The following MMS22L variants were observed in gnomAD, a reference collection of about 807,000 sequenced individuals.
MMS22L encodes the protein MMS22 like, DNA repair protein, also known as protein MMS22-like.
MMS22L carries 74 observed loss-of-function variants against 159.1 expected under a neutral mutation model. That is an observed-to-expected ratio of 0.47 (90% CI 0.39 to 0.56). The LOEUF (loss-of-function observed/expected upper bound fraction) is 0.56, where lower values mean the gene tolerates loss of function less well. Ranked by LOEUF, MMS22L falls within the 20% of genes least tolerant of loss-of-function variation. The pLI is 0.00. For missense variants in MMS22L, 1,351 were observed against 1,422.1 expected, an observed-to-expected ratio of 0.95 and a Z score of 0.80; for synonymous variants, 517 against 506.9, an observed-to-expected ratio of 1.02 and a Z score of -0.27.
chr6:97,268,665 T>C (rs1815410289), intron 7 of MMS22L, among the ~76,000 whole-genome samples: 1 of 152,076 alleles, frequency 6.6e-6, no homozygotes, highest in Non-Finnish European at 1.5e-5. Flanking sequence ...TAACAAATAC[T>C]GATAAACTGA....
intron 23 of MMS22L, 59 bp from the exon 24 acceptor site, chr6:97,150,079 C>G: frequency 7.1e-7 from 1 of 1,413,378 alleles, no homozygotes; most frequent in Non-Finnish European, 9.8e-7. Context: ...GTGTTGGTAT[C>G]TACGTGGCAA....
At chr6:97,227,699 G>A (rs927328484) in intron 14 of MMS22L, among the ~76,000 whole-genome samples, 1 of 152,152 alleles carries the variant, frequency 6.6e-6, no homozygotes, top group Non-Finnish European at 1.5e-5. Context: ...TGCAACATTT[G>A]TAATATGATA....
chr6:97,173,825 G>C (rs1229599314), intron 18 of MMS22L, among the ~76,000 whole-genome samples: 2 of 152,128 alleles, frequency 1.3e-5, no homozygotes, highest in Non-Finnish European at 2.9e-5. Context: ...GAATCAGTAA[G>C]AGAAGAACAG....
intron 12 of MMS22L, 110 bp downstream of exon 12, chr6:97,233,751 A>G: frequency 8.2e-7 from 1 of 1,219,478 alleles, no homozygotes; most frequent in Non-Finnish European, 1.1e-6. Flanking sequence ...GAAAAAAATT[A>G]ACTTTTTAAG....
chr6:97,278,327 CG>C (rs1163881131), intron 4 of MMS22L, among the ~76,000 whole-genome samples: 2 of 150,030 alleles, frequency 1.3e-5, no homozygotes, highest in African/African-American at 4.9e-5. Flanking sequence ...CACTTGAACC[CG>C]GGGGGCAGAG....
intron 9 of MMS22L, chr6:97,261,558 T>C (rs751771029): frequency 1.3e-5 from 2 of 152,204 alleles, no homozygotes; most frequent in African/African-American, 2.4e-5. Context: ...GTTAATTGTT[T>C]CTTTATGTTA....
chr6:97,202,369 T>C (rs975456068), intron 14 of MMS22L, among the ~76,000 whole-genome samples: 9 of 152,306 alleles, frequency 5.9e-5, no homozygotes, highest in South Asian at 2.1e-4. Context: ...CCTTTAAATA[T>C]GGCAATGGAT....
At position 97,145,096 on chromosome 6, in the gene MMS22L, T is replaced by C. The variant is rs1800874933; in HGVS notation, c.*1710A>G. 6.7e-6 allele frequency: 1 copy of C among 149,216 alleles called. No homozygotes were observed. The highest frequency in any genetic ancestry group is 2.5e-5 in the African/African-American group (1 of 39,802). The allele number at this position is 149,216 out of a possible 1,614,324, so 9.2% of individuals were successfully genotyped here. On this transcript the variant is annotated 3_prime_UTR_variant, in exon 25 of 25. Coordinates refer to ENST00000683635, the MANE Select transcript of MMS22L (RefSeq NM_001350599.2). The stretch of plus-strand genomic sequence containing the variant: ...CACATATACACATAAATAACCTCTT[T>C]AAAGGCATCACCTTAAATAGATAAA...
rs113543119 is a variant in MMS22L, at chr6:97,146,781, TAGAC to T, written c.*21_*24del. The T allele has an allele frequency of 1.5e-3, 2,162 of 1,451,076 alleles. 22 individuals are homozygous for T. The African/African-American group carries it at 0.024, about 16-fold the overall frequency. 89.9% of individuals were successfully genotyped at this position (1,451,076 alleles called of 1,614,324 possible). On this transcript the variant is annotated 3_prime_UTR_variant, in exon 25 of 25. Coordinates refer to ENST00000683635, the MANE Select transcript of MMS22L (RefSeq NM_001350599.2). ...TGTGGCTTTAGATACTGATAATTAA[TAGAC>T]AGGATGAATCACAAAATATATTAAG...
At chr6:97,185,663 A>T (rs1424786146) in intron 15 of MMS22L, among the ~76,000 whole-genome samples, 1 of 152,136 alleles carries the variant, frequency 6.6e-6, no homozygotes, top group Non-Finnish European at 1.5e-5. Context: ...CAGAATTCAA[A>T]ATCTTTTCAA....
Position 97,218,515 on chromosome 6 carries a change from A to G in MMS22L, c.2039+10379T>C, listed in dbSNP as rs1809271876. On this transcript the variant is annotated intron_variant, in intron 14 of 24. Transcript: ENST00000683635. ...GTGCATACTACATATGCTTCATGTG[A>G]CTGGTTCACTGATATATCCTAAGTG... 3.3e-5 allele frequency among the ~76,000 whole-genome samples: 5 copies of G among 152,194 alleles called. No homozygotes were observed. In the South Asian group the frequency reaches 1.0e-3, roughly 31 times the overall value.
intron 14 of MMS22L, among the ~76,000 whole-genome samples, chr6:97,209,161 C>T (rs1287869585): frequency 6.6e-6 from 1 of 151,978 alleles, no homozygotes; most frequent in Admixed American, 6.6e-5. Context: ...GATGAATCCC[C>T]CAAATATCTT....
chr6:97,216,661 G>A (rs921244275), intron 14 of MMS22L, among the ~76,000 whole-genome samples: 13 of 152,144 alleles, frequency 8.5e-5, no homozygotes, highest in African/African-American at 2.9e-4. Flanking sequence ...AAACAGCACC[G>A]TGTGGTGCCA....
chr6:97,230,345 T>TA (rs1298226730), intron 13 of MMS22L: 2 of 150,728 alleles, frequency 1.3e-5, no homozygotes, highest in East Asian at 2.0e-4. Flanking sequence ...TCTCAAGTGA[T>TA]ACGCCCACCT....
rs1800812925 is a variant in MMS22L at position 97,144,670 on chromosome 6, G to A, written c.*2136C>T. 6.6e-6 allele frequency: 1 copy of A among 151,942 alleles called. No individual in the cohort carries two copies. The highest frequency in any genetic ancestry group is 2.4e-5 in the African/African-American group (1 of 41,368). The allele number at this position is 151,942 out of a possible 1,614,324, so 9.4% of individuals were successfully genotyped here. A position where few individuals can be genotyped will look rare whatever the true frequency, so the allele number is the denominator to read the frequency against. On this transcript the variant is annotated 3_prime_UTR_variant, in exon 25 of 25. Transcript: ENST00000683635. The stretch of plus-strand genomic sequence containing the variant: ...GTGGCTATTAAAGAAGCAGGTATAA[G>A]GGACTCCAAGTCTGGGAATGAAAGA...
In MMS22L at chr6:97,258,220, T is replaced by TA. The variant is rs1205568818; in HGVS notation, c.943-3488dup. Among the ~76,000 whole-genome samples the TA allele has an allele frequency of 2.0e-5, 3 of 152,338 alleles. No homozygotes were observed. The East Asian group carries it at 5.8e-4, about 29-fold the overall frequency. On this transcript the variant is annotated intron_variant, in intron 9 of 24. Coordinates refer to ENST00000683635, the MANE Select transcript of MMS22L (RefSeq NM_001350599.2). ...CTATTAATATCTTTAAAAAGTGAGG[T>TA]AAAATAAAGCTATTTTAGCCTATAG...
At chr6:97,230,037 G>T (rs999118208) in intron 13 of MMS22L, among the ~76,000 whole-genome samples, 2 of 152,062 alleles carry the variant, frequency 1.3e-5, no homozygotes, top group African/African-American at 4.8e-5. Context: ...TCAATTAAGG[G>T]GTTAGAATTG....
intron 6 of MMS22L, chr6:97,270,286 G>A (rs1254474551): frequency 3.8e-6 from 2 of 532,286 alleles, no homozygotes; most frequent in East Asian, 4.8e-5. Flanking sequence ...TACTACAGCT[G>A]CAAGGCAGTA....
At chr6:97,269,623 A>C (rs1562525913) in intron 7 of MMS22L, among the ~76,000 whole-genome samples, 1 of 152,130 alleles carries the variant, frequency 6.6e-6, no homozygotes, top group Non-Finnish European at 1.5e-5. Flanking sequence ...ATCACACTGA[A>C]CAGTATGATG....
Sources: gnomAD v4.1 joint callset for allele counts (sites outside exome capture counted in the v4.1 genomes callset) on GRCh38, gnomAD v4.1.1 for gene constraint, MANE v1.5 for transcripts, NCBI Gene and HGNC (gene_info 2026-07-23, HGNC 2026-07-21) for gene names.